FHIT: variants seen among roughly 807,000 people sequenced by gnomAD.
The protein encoded by FHIT is bis(5'-adenosyl)-triphosphatase.
Under a neutral mutation model 17.9 loss-of-function variants are expected in FHIT, and 19 were observed. That is an observed-to-expected ratio of 1.06 (90% confidence interval 0.74 to 1.56). The LOEUF is 1.56. Among genes scored for constraint, FHIT ranks in the 40% most tolerant of loss-of-function variants. The pLI is 0.00. For synonymous variants in FHIT, 81 were observed against 69.7 expected, an observed-to-expected ratio of 1.16 and a Z score of -0.81; for missense variants, 248 against 189.2, an observed-to-expected ratio of 1.31 and a Z score of -1.82.
At chr3:59,896,337 A>T (rs1575658480) in intron 8 of FHIT, among the ~76,000 whole-genome samples, 1 of 152,214 alleles carries the variant, frequency 6.6e-6, no homozygotes, top group Admixed American at 6.5e-5. Context: ...AGAAAAAAGA[A>T]CTCATCTAAA....
intron 5 of FHIT, among the ~76,000 whole-genome samples, chr3:60,052,856 G>A (rs1003155000): frequency 6.6e-6 from 1 of 150,576 alleles, no homozygotes; most frequent in Non-Finnish European, 1.5e-5. Flanking sequence ...TATGTCCCGC[G>A]TAATATTTGC....
chr3:60,800,546 T>C (rs1242119289), intron 4 of FHIT, among the ~76,000 whole-genome samples: 1 of 152,074 alleles, frequency 6.6e-6, no homozygotes, highest in Non-Finnish European at 1.5e-5. Context: ...GATAATCAAA[T>C]TGAGGAACGA....
At chr3:59,794,162 C>T (rs150748864) in intron 8 of FHIT, among the ~76,000 whole-genome samples, 45 of 152,246 alleles carry the variant, frequency 3.0e-4, no homozygotes, top group African/African-American at 9.4e-4. Flanking sequence ...AAATATCACA[C>T]GATCTGAGAA....
In FHIT at chr3:60,096,899, G is replaced by A. The variant is rs142023696; in HGVS notation, c.104-82747C>T. 1.7e-3 allele frequency among the ~76,000 whole-genome samples: 260 copies of A among 151,990 alleles called. 3 individuals are homozygous for A. Among genetic ancestry groups the A allele is most frequent in the African/African-American group, 4.9e-3 (202 of 41,460 alleles). The stretch of plus-strand genomic sequence containing the variant: ...TTTAGGGTATAAAAGGAATGGAAAC[G>A]GCCAGGCACAGTGGCTTGTGCCTAT... On this transcript the variant is annotated intron_variant, in intron 5 of 9. Coordinates refer to ENST00000492590, the MANE Select transcript of FHIT (RefSeq NM_002012.4).
intron 5 of FHIT, among the ~76,000 whole-genome samples, chr3:60,098,049 T>C (rs1055490035): frequency 5.3e-5 from 8 of 151,824 alleles, no homozygotes; most frequent in Non-Finnish European, 1.0e-4. Flanking sequence ...ATGAACTGAT[T>C]ATTTTTTATG....
chr3:60,416,858 G>A (rs577192546), intron 5 of FHIT, among the ~76,000 whole-genome samples: 36 of 152,166 alleles, frequency 2.4e-4, no homozygotes, highest in East Asian at 5.8e-4. Flanking sequence ...AGGCCGAGGC[G>A]GGAGGATCAC....
intron 3 of FHIT, among the ~76,000 whole-genome samples, chr3:60,912,023 T>C (rs1706769322): frequency 1.4e-5 from 2 of 147,500 alleles, no homozygotes; most frequent in African/African-American, 2.6e-5. Flanking sequence ...TTTAAAGGTG[T>C]TTCCGCCTCT....
At chr3:60,070,721 T>C (rs1182447220) in intron 5 of FHIT, among the ~76,000 whole-genome samples, 1 of 152,222 alleles carries the variant, frequency 6.6e-6, no homozygotes, top group Non-Finnish European at 1.5e-5. Flanking sequence ...CTCTGTTCAA[T>C]ATAAGGATAT....
intron 5 of FHIT, among the ~76,000 whole-genome samples, chr3:60,255,966 GAA>G (rs1705970621): frequency 6.6e-6 from 1 of 152,182 alleles, no homozygotes; most frequent in Admixed American, 6.5e-5. Flanking sequence ...TGAAACACTT[GAA>G]ATTAGTAAAC....
intron 5 of FHIT, among the ~76,000 whole-genome samples, chr3:60,394,591 T>C (rs1475808944): frequency 6.6e-6 from 1 of 152,196 alleles, no homozygotes; most frequent in Non-Finnish European, 1.5e-5. Context: ...ACTGAGTATA[T>C]GCACCATGGT....
rs529298443 is a variant in FHIT, at chr3:61,117,673, C to T, written c.-163-75574G>A. The stretch of plus-strand genomic sequence containing the variant: ...CTGACGAGTGGTTTTGAGGTGGCCT[C>T]AGTGCAATGTCATCTCCCCTGAGCT... On this transcript the variant is annotated intron_variant, in intron 2 of 9. Transcript: ENST00000492590. Among the ~76,000 whole-genome samples, 6 of 152,310 alleles carry T rather than the reference C, an allele frequency of 3.9e-5. No individual in the cohort carries two copies. In the East Asian group the frequency reaches 5.8e-4, roughly 15 times the overall value.
chr3:60,311,350 C>G (rs948872431), intron 5 of FHIT, among the ~76,000 whole-genome samples: 4 of 151,934 alleles, frequency 2.6e-5, no homozygotes, highest in African/African-American at 9.7e-5. Flanking sequence ...GTTGTATATT[C>G]TGGACCCAAG....
At chr3:60,617,507 C>G (rs1576979899) in intron 4 of FHIT, 1 of 153,802 alleles carries the variant, frequency 6.5e-6, no homozygotes, top group South Asian at 2.1e-4. Flanking sequence ...TTTTTAAAAC[C>G]CTTTCATCTT....
At chr3:60,550,819 G>C (rs107342) in intron 4 of FHIT, among the ~76,000 whole-genome samples, 16 of 152,020 alleles carry the variant, frequency 1.1e-4, no homozygotes, top group South Asian at 2.1e-4. Context: ...TGACAGACCA[G>C]CCCTCTGCTC....
At chr3:60,957,191 G>C (rs938812491) in intron 3 of FHIT, among the ~76,000 whole-genome samples, 1 of 148,164 alleles carries the variant, frequency 6.7e-6, no homozygotes, top group Non-Finnish European at 1.5e-5. Context: ...AAGCAAACTA[G>C]AGCCAGAAAA....
intron 8 of FHIT, among the ~76,000 whole-genome samples, chr3:59,916,121 A>G (rs1458015550): frequency 2.0e-5 from 3 of 152,136 alleles, no homozygotes; most frequent in East Asian, 3.8e-4. Context: ...CCCACCCTCA[A>G]TCTTGGTGGG....
chr3:60,605,492 G>A (rs1036179682), intron 4 of FHIT, among the ~76,000 whole-genome samples: 1 of 152,126 alleles, frequency 6.6e-6, no homozygotes, highest in African/African-American at 2.4e-5. Flanking sequence ...GTTTCAGAAG[G>A]CACCAGTTTA....
intron 3 of FHIT, among the ~76,000 whole-genome samples, chr3:60,988,946 TAA>T (rs535898632): frequency 0.15 from 5,085 of 33,552 alleles, 21 homozygotes; most frequent in Non-Finnish European, 0.19. Flanking sequence ...ATGGCTTTGT[TAA>T]AAAAAAAAAA....
chr3:60,939,184 A>G (rs1014946497), intron 3 of FHIT, among the ~76,000 whole-genome samples: 6 of 152,196 alleles, frequency 3.9e-5, no homozygotes, highest in Non-Finnish European at 8.8e-5. Flanking sequence ...GGGCTCATAT[A>G]CAGTTTTCCA....
Sources: allele counts gnomAD v4.1 joint callset (sites outside exome capture counted in the v4.1 genomes callset), GRCh38; gene constraint gnomAD v4.1.1; transcripts MANE v1.5; gene names NCBI Gene and HGNC (gene_info 2026-07-23, HGNC 2026-07-21).